GLRA1: variants seen among roughly 807,000 people sequenced by gnomAD.
GLRA1 encodes glycine receptor subunit alpha-1.
Under a neutral mutation model 48.3 loss-of-function variants are expected in GLRA1, and 37 were observed. The observed-to-expected ratio is 0.77, with a 90% CI of 0.59 to 1.01. The LOEUF is 1.01. Ranked by LOEUF, GLRA1 falls within the 50% of genes least tolerant of loss-of-function variation. The probability of loss-of-function intolerance (pLI) is 0.00; values close to 1 mark genes in which losing one functional copy is unlikely to be tolerated. For synonymous variants in GLRA1, 196 were observed against 210.7 expected (o/e 0.93, Z 0.60); for missense variants, 427 against 571.0 (o/e 0.75, Z 2.57).
At chr5:151,913,948 G>A (rs1474153219) in intron 1 of GLRA1, among the ~76,000 whole-genome samples, 1 of 152,104 alleles carries the variant, frequency 6.6e-6, no homozygotes, top group Non-Finnish European at 1.5e-5. Context: ...CCATTTAGGA[G>A]GATAATATCA....
chr5:151,884,448 C>CA (rs1379965640), intron 3 of GLRA1, among the ~76,000 whole-genome samples: 9 of 151,810 alleles, frequency 5.9e-5, no homozygotes, highest in Non-Finnish European at 1.0e-4. Flanking sequence ...CAAAACAAAA[C>CA]AAAAAAACCC....
intron 3 of GLRA1, among the ~76,000 whole-genome samples, chr5:151,884,844 A>G (rs1383799637): frequency 6.6e-6 from 1 of 152,236 alleles, no homozygotes; most frequent in African/African-American, 2.4e-5. Context: ...ACAGATTATG[A>G]TTAATACAAA....
At chr5:151,895,388 T>G (rs776231394) in intron 1 of GLRA1, among the ~76,000 whole-genome samples, 68 of 152,148 alleles carry the variant, frequency 4.5e-4, no homozygotes, top group Non-Finnish European at 7.6e-4. Context: ...AAATATAATA[T>G]AGAATAGTGC....
At chr5:151,856,932 G>T (rs1489340287) in intron 4 of GLRA1, among the ~76,000 whole-genome samples, 1 of 152,238 alleles carries the variant, frequency 6.6e-6, no homozygotes, top group African/African-American at 2.4e-5. Flanking sequence ...AATCCACAAG[G>T]AGTTCTGGCA....
intron 3 of GLRA1, among the ~76,000 whole-genome samples, chr5:151,870,824 C>G (rs923662597): frequency 1.3e-5 from 2 of 149,770 alleles, no homozygotes; most frequent in African/African-American, 2.6e-5. Flanking sequence ...TTCTCCAATT[C>G]CAGTTATGTT....
chr5:151,922,335 G>A (rs1212420612), intron 1 of GLRA1, among the ~76,000 whole-genome samples: 3 of 152,198 alleles, frequency 2.0e-5, no homozygotes, highest in East Asian at 1.9e-4. Flanking sequence ...GAGTGACTTA[G>A]AAATGAAAAT....
chr5:151,829,424 TC>T (rs1363446280), intron 7 of GLRA1, among the ~76,000 whole-genome samples: 1 of 152,142 alleles, frequency 6.6e-6, no homozygotes, highest in Admixed American at 6.6e-5. Flanking sequence ...AAAAATGGCA[TC>T]GTAAGGACCT....
chr5:151,867,867 G>T (rs2113373299), intron 3 of GLRA1, among the ~76,000 whole-genome samples: 1 of 152,302 alleles, frequency 6.6e-6, no homozygotes, highest in South Asian at 2.1e-4. Context: ...GATTTTATTT[G>T]CTAGCCAATT....
chr5:151,858,543 T>C (rs981571767), intron 4 of GLRA1, among the ~76,000 whole-genome samples: 3 of 152,188 alleles, frequency 2.0e-5, no homozygotes, highest in Non-Finnish European at 4.4e-5. Flanking sequence ...CCTAAGCCTG[T>C]CACTCTTCCA....
chr5:151,915,011 C>T (rs1319152281), intron 1 of GLRA1, among the ~76,000 whole-genome samples: 1 of 152,150 alleles, frequency 6.6e-6, no homozygotes, highest in Admixed American at 6.5e-5. Flanking sequence ...TATAGTCACA[C>T]CCAATTTTCA....
At chr5:151,885,636 GC>G (rs2113405045) in intron 3 of GLRA1, among the ~76,000 whole-genome samples, 1 of 152,344 alleles carries the variant, frequency 6.6e-6, no homozygotes, top group Non-Finnish European at 1.5e-5. Context: ...AGCCTGTAAA[GC>G]AGAGAGCGAG....
chr5:151,837,449 A>G (rs1483221523), intron 7 of GLRA1, among the ~76,000 whole-genome samples: 2 of 152,238 alleles, frequency 1.3e-5, no homozygotes, highest in Non-Finnish European at 2.9e-5. Context: ...TGACCCAGCA[A>G]TCCCAATACT....
intron 3 of GLRA1, among the ~76,000 whole-genome samples, chr5:151,863,747 C>G (rs1203975668): frequency 6.6e-6 from 1 of 152,182 alleles, no homozygotes; most frequent in Non-Finnish European, 1.5e-5. Flanking sequence ...CCTCATCAGT[C>G]TTGATCTGTT....
intron 1 of GLRA1, among the ~76,000 whole-genome samples, chr5:151,897,053 T>A (rs902923285): frequency 1.3e-5 from 2 of 152,200 alleles, no homozygotes; most frequent in Non-Finnish European, 1.5e-5. Context: ...GATTTATTGT[T>A]ATTATGTCAG....
chr5:151,887,657 G>C (rs1173433311), intron 2 of GLRA1, among the ~76,000 whole-genome samples: 2 of 152,178 alleles, frequency 1.3e-5, no homozygotes, highest in African/African-American at 4.8e-5. Context: ...TAACTCCAAG[G>C]GTGCTCATCT....
intron 3 of GLRA1, among the ~76,000 whole-genome samples, chr5:151,879,841 T>A (rs898192479): frequency 6.6e-6 from 1 of 152,226 alleles, no homozygotes; most frequent in African/African-American, 2.4e-5. Flanking sequence ...CGGAATGATA[T>A]GATTTGGCTG....
chr5:151,833,074 G>A (rs4629583), intron 7 of GLRA1, among the ~76,000 whole-genome samples: 65,064 of 151,898 alleles, frequency 0.43, 14,155 homozygotes, highest in African/African-American at 0.5. Context: ...AGGAGAAACA[G>A]AATCCTTTAC....
At chr5:151,823,126 T>C in intron 8 of GLRA1, 163 bp from the exon 9 acceptor site, 1 of 634,914 alleles carries the variant, frequency 1.6e-6, no homozygotes, top group Non-Finnish European at 2.7e-6. Flanking sequence ...GGCTGGGGAG[T>C]TCTGCCTTAT....
chr5:151,871,414 T>C (rs999440839), intron 3 of GLRA1, among the ~76,000 whole-genome samples: 1 of 149,494 alleles, frequency 6.7e-6, no homozygotes, highest in Non-Finnish European at 1.5e-5. Context: ...TGTATATATT[T>C]AAAAAAATCA....
Sources: allele counts gnomAD v4.1 joint callset (sites outside exome capture counted in the v4.1 genomes callset), GRCh38; gene constraint gnomAD v4.1.1; transcripts MANE v1.5; gene names NCBI Gene and HGNC (gene_info 2026-07-23, HGNC 2026-07-21).